XKR6: variants seen among roughly 807,000 people sequenced by gnomAD.
XKR6 encodes the protein XK related 6, also known as XK-related protein 6.
Under a neutral mutation model 56.7 loss-of-function variants are expected in XKR6, and 22 were observed. That is an observed-to-expected ratio of 0.39 (90% CI 0.28 to 0.55). XKR6 has a LOEUF of 0.55. Ranked by LOEUF, XKR6 falls within the 20% of genes least tolerant of loss-of-function variation. The pLI is 0.66. For missense variants in XKR6, 852 were observed against 889.0 expected (o/e 0.96, Z 0.53); for synonymous variants, 524 against 387.8 (o/e 1.35, Z -4.13).
At chr8:11,067,024 G>A (rs28591514) in intron 1 of XKR6, 42,174 of 152,474 alleles carry the variant, frequency 0.28, 5,916 homozygotes, top group Middle Eastern at 0.38. Context: ...GCTGTGAAGA[G>A]GCAGAAACAA....
chr8:11,099,466 G>C (rs568738374), intron 1 of XKR6, among the ~76,000 whole-genome samples: 4 of 152,262 alleles, frequency 2.6e-5, no homozygotes, highest in Non-Finnish European at 5.9e-5. Context: ...GCTGGAGGCA[G>C]GAATGGCACT....
intron 1 of XKR6, among the ~76,000 whole-genome samples, chr8:11,104,261 G>C (rs2129177024): frequency 6.6e-6 from 1 of 152,350 alleles, no homozygotes; most frequent in African/African-American, 2.4e-5. Context: ...AATCTGACTG[G>C]AGATCACTGA....
At chr8:11,055,147 C>T (rs1215248943) in intron 1 of XKR6, among the ~76,000 whole-genome samples, 1 of 152,228 alleles carries the variant, frequency 6.6e-6, no homozygotes, top group East Asian at 1.9e-4. Context: ...ATAGGGACTA[C>T]TACCCTGGAG....
At chr8:11,148,035 C>A (rs557096146) in intron 1 of XKR6, among the ~76,000 whole-genome samples, 2 of 152,104 alleles carry the variant, frequency 1.3e-5, no homozygotes, top group South Asian at 4.2e-4. Context: ...CATGGTGAAA[C>A]CCTATCTCTA....
At chr8:11,128,221 GC>G (rs1799926381) in intron 1 of XKR6, among the ~76,000 whole-genome samples, 1 of 152,064 alleles carries the variant, frequency 6.6e-6, no homozygotes, top group South Asian at 2.1e-4. Flanking sequence ...TACCCCACTG[GC>G]CAGACCTTCG....
chr8:11,178,886 A>G (rs1802819280), intron 1 of XKR6, among the ~76,000 whole-genome samples: 1 of 151,540 alleles, frequency 6.6e-6, no homozygotes, highest in Admixed American at 6.6e-5. Context: ...CCCAGGTTGG[A>G]GAGTAGAGTG....
intron 1 of XKR6, chr8:11,124,350 T>C (rs1306951664): frequency 3.4e-6 from 1 of 293,028 alleles, no homozygotes; most frequent in Non-Finnish European, 6.7e-6. Flanking sequence ...CACTCAGCGG[T>C]GGGGCCAACT....
At chr8:11,152,916 C>T (rs1416605650) in intron 1 of XKR6, among the ~76,000 whole-genome samples, 2 of 152,184 alleles carry the variant, frequency 1.3e-5, no homozygotes, top group African/African-American at 4.8e-5. Flanking sequence ...ATTACTGGGG[C>T]TTTAAAATGG....
chr8:11,166,353 G>A (rs1054141004), intron 1 of XKR6, among the ~76,000 whole-genome samples: 4 of 152,020 alleles, frequency 2.6e-5, no homozygotes, highest in African/African-American at 9.7e-5. Context: ...AAGATCACAA[G>A]GCATCTGCTA....
At chr8:11,178,548 A>ATATATATATATATATATATGTG (rs1563197712) in intron 1 of XKR6, among the ~76,000 whole-genome samples, 4 of 78,038 alleles carry the variant, frequency 5.1e-5, no homozygotes, top group African/African-American at 3.7e-4. Context: ...AGAGGTAAAA[A>ATATATATATATATATATATGTG]TATATATATA....
intron 1 of XKR6, among the ~76,000 whole-genome samples, chr8:11,143,340 C>G (rs1482199401): frequency 1.3e-5 from 2 of 152,156 alleles, no homozygotes; most frequent in African/African-American, 2.4e-5. Flanking sequence ...CAAGTCCCTT[C>G]TTTAAAACAC....
At chr8:10,939,964 G>A (rs191401685) in intron 1 of XKR6, among the ~76,000 whole-genome samples, 6 of 152,330 alleles carry the variant, frequency 3.9e-5, no homozygotes, top group Non-Finnish European at 7.4e-5. Context: ...TGTGCACATC[G>A]TAGCACAAGG....
chr8:11,176,378 A>G (rs1563196080), intron 1 of XKR6, among the ~76,000 whole-genome samples: 1 of 152,208 alleles, frequency 6.6e-6, no homozygotes, highest in Admixed American at 6.5e-5. Flanking sequence ...GTAAATGAAG[A>G]TCTGTTACGT....
At chr8:10,972,024 A>G (rs1022691345) in intron 1 of XKR6, among the ~76,000 whole-genome samples, 7 of 152,224 alleles carry the variant, frequency 4.6e-5, no homozygotes, top group African/African-American at 1.7e-4. Flanking sequence ...CTAGCCCCAG[A>G]AGTGACATTC....
chr8:10,947,959 C>A (rs1209834793), intron 1 of XKR6, among the ~76,000 whole-genome samples: 1 of 152,164 alleles, frequency 6.6e-6, no homozygotes, highest in Non-Finnish European at 1.5e-5. Flanking sequence ...GGCTGTCAGG[C>A]CTGGGGTTGG....
chr8:10,951,144 G>C (rs965960634), intron 1 of XKR6, among the ~76,000 whole-genome samples: 1 of 152,246 alleles, frequency 6.6e-6, no homozygotes, highest in Non-Finnish European at 1.5e-5. Flanking sequence ...AGGAAGTCTG[G>C]AGGCCACAGC....
chr8:11,189,833 A>G (rs1459038740), intron 1 of XKR6, among the ~76,000 whole-genome samples: 2 of 152,106 alleles, frequency 1.3e-5, no homozygotes, highest in Non-Finnish European at 1.5e-5. Flanking sequence ...TGGCTCCTCA[A>G]GTGATTCTGA....
intron 2 of XKR6, among the ~76,000 whole-genome samples, chr8:10,909,109 T>G (rs1014331036): frequency 6.6e-6 from 1 of 151,396 alleles, no homozygotes; most frequent in Middle Eastern, 3.4e-3. Flanking sequence ...GAGGTTGCAG[T>G]GAGCTGAGAT....
chr8:11,079,441 T>C (rs1797635873), intron 1 of XKR6, among the ~76,000 whole-genome samples: 1 of 152,262 alleles, frequency 6.6e-6, no homozygotes, highest in Non-Finnish European at 1.5e-5. Context: ...GTGACTATTA[T>C]CCCATTTTTG....
Sources: allele counts gnomAD v4.1 joint callset (sites outside exome capture counted in the v4.1 genomes callset), GRCh38; gene constraint gnomAD v4.1.1; transcripts MANE v1.5; gene names NCBI Gene and HGNC (gene_info 2026-07-23, HGNC 2026-07-21).